KLK11: variants seen among roughly 807,000 people sequenced by gnomAD.
KLK11 encodes the protein kallikrein-11.
In KLK11, 10 loss-of-function variants were observed where a neutral mutation model predicts 23.4. That is an observed-to-expected ratio of 0.43 (90% CI 0.26 to 0.73). The LOEUF (loss-of-function observed/expected upper bound fraction) is 0.73, where lower values mean the gene tolerates loss of function less well. KLK11 is among the 30% of genes least tolerant of loss of function. The pLI is 0.22. For missense variants in KLK11, 285 were observed against 327.8 expected (o/e 0.87, Z 1.01); for synonymous variants, 131 against 131.7 (o/e 0.99, Z 0.03).
chr19:51,022,865 G>A (rs1192733974), intron 5 of KLK11, among the ~76,000 whole-genome samples, 168 bp from the exon 6 acceptor site: 1 of 152,126 alleles, frequency 6.6e-6, no homozygotes, highest in East Asian at 1.9e-4. Flanking sequence ...GATAAAGGAT[G>A]GGGTTAGGCT....
In KLK11 at chr19:51,022,663, G is replaced by A. The variant is rs750274531; in HGVS notation, c.635C>T (p.Ser212Phe). 2 of 1,613,386 alleles carry A rather than the reference G, an allele frequency of 1.2e-6. No individual in the cohort carries two copies. Among genetic ancestry groups the A allele is most frequent in the African/African-American group, 1.3e-5 (1 of 75,028 alleles). ...GCCCCAGGAGATAATGCCTTGAAGA[G>A]ACTGGTTACAGACCAGAGGGCCCCC... ...DSGGPLVCNQ[S>F]LQGIISWGQD... Residue 212 changes from serine to phenylalanine, a missense_variant, in exon 6 of 6, where the codon TCT (serine) becomes TTT (phenylalanine). Transcript: ENST00000453757.
At chr19:51,022,839 C>G in intron 5 of KLK11, 142 bp from the exon 6 acceptor site, 1 of 1,021,056 alleles carries the variant, frequency 9.8e-7, no homozygotes, top group Non-Finnish European at 1.5e-6. Flanking sequence ...AGCGATAAAG[C>G]TGGGATTATG....
intron 5 of KLK11, 74 bp downstream of exon 5, chr19:51,023,018 A>C: frequency 1.3e-6 from 2 of 1,504,328 alleles, no homozygotes; most frequent in Non-Finnish European, 1.8e-6. Flanking sequence ...GTTGGGGATG[A>C]AATTGTGGAT....
rs776314351 is a variant in KLK11 at position 51,024,685 on chromosome 19, C to T, written c.150G>A (p.Thr50=). The T allele has an allele frequency of 4.9e-5, 79 of 1,600,234 alleles. No homozygotes were observed. Among genetic ancestry groups the T allele is most frequent in the South Asian group, 7.9e-5 (7 of 88,920 alleles). The change falls in exon 3 of 6, where the codon ACG becomes ACA. Residue 50 remains threonine (T), a synonymous_variant. Transcript: ENST00000453757. This position sits in a 1 kb window ranked among gnomAD's most constrained non-coding sequence, Gnocchi z 6.2. Reference sequence around the variant, plus strand: ...TCAGGAGCCATCTGGGGGCGATGAGCGTCGCCCCACAGAGTAGCCGCGTCT... The same window carrying T: ...TCAGGAGCCATCTGGGGGCGATGAGTGTCGCCCCACAGAGTAGCCGCGTCT... The part of the protein sequence containing the change: ...FEKTRLLCGA[T]LIAPRWLLTA...
intron 5 of KLK11, 38 bp downstream of exon 5, chr19:51,023,054 G>A (rs1451943505): frequency 1.9e-6 from 3 of 1,566,804 alleles, no homozygotes; most frequent in East Asian, 2.4e-5. Flanking sequence ...ATTGAAGCTG[G>A]GGATGGGGAT....
chr19:51,022,828 T>G, intron 5 of KLK11, 131 bp from the exon 6 acceptor site: 2 of 1,093,166 alleles, frequency 1.8e-6, no homozygotes, highest in Admixed American at 4.0e-5. Context: ...GTGATAGGTT[T>G]AGCGATAAAG....
In KLK11 at chr19:51,024,013, C is replaced by T. The variant is rs771024941; in HGVS notation, c.463+32G>A. 1 of 1,479,028 alleles carries T rather than the reference C, an allele frequency of 6.8e-7. No homozygotes were observed. Among genetic ancestry groups the T allele is most frequent in the East Asian group, 2.4e-5 (1 of 42,182 alleles). 91.6% of individuals were successfully genotyped at this position (1,479,028 alleles called of 1,614,324 possible). On this transcript the variant is annotated intron_variant, in intron 4 of 5. Transcript: ENST00000453757. This position sits in a 1 kb window ranked among gnomAD's most constrained non-coding sequence, Gnocchi z 6.2. ...AATCCTGACCACTCCCTCCTCACCA[C>T]CCCCTGCCAGGTTCCCCTCTGGTGC...
At position 51,022,476 on chromosome 19, in the gene KLK11, A is replaced by T; in HGVS notation, c.*69T>A. 6.3e-7 allele frequency: 1 copy of T among 1,588,184 alleles called. No individual in the cohort carries two copies. Among genetic ancestry groups the T allele is most frequent in the Non-Finnish European group, 8.6e-7 (1 of 1,156,906 alleles). ...GGGTCTTGGCTTAGGGTTTCTTATT[A>T]ACAGAGTGAACAGGAACCAAACACC... On this transcript the variant is annotated 3_prime_UTR_variant, in exon 6 of 6. Transcript: ENST00000453757.
chr19:51,024,178 G>A lies in KLK11; in HGVS notation c.330C>T (p.Asp110=), dbSNP rs756605965. 2.5e-6 allele frequency: 4 copies of A among 1,613,974 alleles called. No homozygotes were observed. The highest frequency in any genetic ancestry group is 2.7e-5 in the African/African-American group (2 of 74,922). The change falls in exon 4 of 6, where the codon GAC becomes GAT. Residue 110 remains aspartate, a synonymous_variant. Coordinates refer to ENST00000453757, the MANE Select transcript of KLK11 (RefSeq NM_001136032.3). The surrounding 1 kb of genome is among the most constrained non-coding windows in gnomAD (Gnocchi z 6.2). ...NSLPNKDHRN[D]IMLVKMASPV... ...GCGATGCCATCTTCACCAGCATGAT[G>A]TCATTGCGGTGGTCTTTGTTGGGGA...
chr19:51,023,269 G>T (rs1008580279), intron 4 of KLK11, 41 bp from the exon 5 acceptor site: 1 of 1,599,702 alleles, frequency 6.3e-7, no homozygotes, highest in Non-Finnish European at 8.5e-7. Flanking sequence ...TGAGCCCCCT[G>T]CCACCTCCCC....
chr19:51,025,715 GGA>G lies in KLK11; in HGVS notation c.-35-51_-35-50del. 1.3e-6 allele frequency: 1 copy of G among 772,442 alleles called. No homozygotes were observed. The highest frequency in any genetic ancestry group is 1.8e-5 in the South Asian group (1 of 55,402). 47.8% of individuals were successfully genotyped at this position (772,442 alleles called of 1,614,324 possible). On this transcript the variant is annotated intron_variant, in intron 1 of 5. Transcript: ENST00000453757. The surrounding 1 kb of genome is among the most constrained non-coding windows in gnomAD (Gnocchi z 6.2). ...GCCGCATCACTTTACGGGGAAATCGGGAGGGGGGGGCTGGCTCATGCCCTCTC... is the reference window on the plus strand; with the variant it reads ...GCCGCATCACTTTACGGGGAAATCGGGGGGGGGGCTGGCTCATGCCCTCTC...
chr19:51,026,727 G>T (rs2091492467), upstream of KLK11: 3 of 438,592 alleles, frequency 6.8e-6, no homozygotes, highest in Non-Finnish European at 9.1e-6. Context: ...GGCGGGGTGT[G>T]TGTGAGGGCC....
chr19:51,024,320 G>A lies in KLK11; in HGVS notation c.198-10C>T. 6.2e-7 allele frequency: 1 copy of A among 1,612,496 alleles called. No individual in the cohort carries two copies. ...GTGAACTATGTAGCGGCTGAGGTGG[G>A]AGAGACAGTAGTTGGAGGAGGAAAG... is the stretch of plus-strand genomic sequence containing the variant. On this transcript the variant is annotated splice_polypyrimidine_tract_variant and intron_variant, in intron 3 of 5. Coordinates refer to ENST00000453757, the MANE Select transcript of KLK11 (RefSeq NM_001136032.3). The surrounding 1 kb of genome is among the most constrained non-coding windows in gnomAD (Gnocchi z 6.2).
intron 5 of KLK11, 37 bp downstream of exon 5, chr19:51,023,055 G>A (rs1379946576): frequency 1.9e-6 from 3 of 1,567,918 alleles, no homozygotes; most frequent in South Asian, 1.2e-5. Context: ...TTGAAGCTGG[G>A]GATGGGGATG....
Position 51,024,496 on chromosome 19 carries a change from C to A in KLK11, c.197+142G>T. On this transcript the variant is annotated intron_variant, in intron 3 of 5. Coordinates refer to ENST00000453757, the MANE Select transcript of KLK11 (RefSeq NM_001136032.3). This position sits in a 1 kb window ranked among gnomAD's most constrained non-coding sequence, Gnocchi z 6.2. ...CCATTCATCCCCCCACCTTCAATAC[C>A]AACTCGAGCCCATCAACCTTGCTGA... 8.0e-7 allele frequency: 1 copy of A among 1,242,292 alleles called. No homozygotes were observed. Among genetic ancestry groups the A allele is most frequent in the Admixed American group, 2.6e-5 (1 of 38,638 alleles). The allele number at this position is 1,242,292 out of a possible 1,614,324, so 77.0% of individuals were successfully genotyped here. A position where few individuals can be genotyped will look rare whatever the true frequency, so the allele number is the denominator to read the frequency against.
Position 51,022,657 on chromosome 19 carries a change from T to C in KLK11, c.641A>G (p.Gln214Arg). Reference sequence around the variant, plus strand: ...ATCCTGGCCCCAGGAGATAATGCCTTGAAGAGACTGGTTACAGACCAGAGG... The same window carrying C: ...ATCCTGGCCCCAGGAGATAATGCCTCGAAGAGACTGGTTACAGACCAGAGG... ...GGPLVCNQSL[Q>R]GIISWGQDPC... Residue 214 changes from glutamine to arginine, a missense_variant, in exon 6 of 6, where the codon CAA becomes CGA. Physicochemically the swap from Gln to Arg is conservative, Grantham distance 43. Transcript: ENST00000453757. 6.2e-7 allele frequency: 1 copy of C among 1,613,338 alleles called. No individual in the cohort carries two copies. The highest frequency in any genetic ancestry group is 8.5e-7 in the Non-Finnish European group (1 of 1,180,004).
chr19:51,023,031 C>T (rs1236491055), intron 5 of KLK11, 61 bp downstream of exon 5: 28 of 1,525,648 alleles, frequency 1.8e-5, no homozygotes, highest in Non-Finnish European at 2.1e-5. Context: ...TTGTGGATGT[C>T]GGTAAAGATG....
Position 51,025,656 on chromosome 19 carries a change from C to T in KLK11, c.-25G>A, listed in dbSNP as rs778385475. The T allele has an allele frequency of 2.0e-5, 32 of 1,574,906 alleles. No homozygotes were observed. The East Asian group carries it at 3.1e-4, about 15-fold the overall frequency. On this transcript the variant is annotated 5_prime_UTR_variant, in exon 2 of 6. Coordinates refer to ENST00000453757, the MANE Select transcript of KLK11 (RefSeq NM_001136032.3). This position sits in a 1 kb window ranked among gnomAD's most constrained non-coding sequence, Gnocchi z 6.2. ...TGGCCTGGAGGGGGGAGGAGCGGGC[C>T]CCAGGTTCCTCTGGGAACAAGGAGG...
chr19:51,024,845 C>T lies in KLK11; in HGVS notation c.41-51G>A. The T allele has an allele frequency of 6.8e-7, 1 of 1,476,370 alleles. No homozygotes were observed. Among genetic ancestry groups the T allele is most frequent in the Non-Finnish European group, 9.0e-7 (1 of 1,113,116 alleles). The allele number at this position is 1,476,370 out of a possible 1,614,324, so 91.5% of individuals were successfully genotyped here. A position where few individuals can be genotyped will look rare whatever the true frequency, so the allele number is the denominator to read the frequency against. On this transcript the variant is annotated intron_variant, in intron 2 of 5. Transcript: ENST00000453757. The surrounding 1 kb of genome is among the most constrained non-coding windows in gnomAD (Gnocchi z 6.2). ...GGGCTCAGGAAGGAGAGGTGGTAGA[C>T]CAGGAGGACTCCCAGAAATGGGGGT... is the stretch of plus-strand genomic sequence containing the variant.
Sources: allele counts gnomAD v4.1 joint callset (sites outside exome capture counted in the v4.1 genomes callset), GRCh38; gene constraint gnomAD v4.1.1; non-coding constraint Gnocchi (gnomAD v3.1); transcripts MANE v1.5; gene names NCBI Gene and HGNC (gene_info 2026-07-23, HGNC 2026-07-21).